TXNRD3: variants seen among roughly 807,000 people sequenced by gnomAD.
The protein encoded by TXNRD3 is thioredoxin reductase 3.
TXNRD3 carries 68 observed loss-of-function variants against 78.2 expected under a neutral mutation model. That is an observed-to-expected ratio of 0.87 (90% CI 0.72 to 1.06). The LOEUF (loss-of-function observed/expected upper bound fraction) is 1.06. TXNRD3 is among the 50% of genes least tolerant of loss of function. The pLI is 0.00. For missense variants in TXNRD3, 751 were observed against 809.5 expected, an observed-to-expected ratio of 0.93 and a Z score of 0.88; for synonymous variants, 296 against 300.1, an observed-to-expected ratio of 0.99 and a Z score of 0.14.
intron 13 of TXNRD3, among the ~76,000 whole-genome samples, chr3:126,612,904 T>G (rs1256726697): frequency 6.6e-6 from 1 of 152,256 alleles, no homozygotes; most frequent in African/African-American, 2.4e-5. Context: ...TATGACCTTA[T>G]CACATACTAA....
At position 126,655,066 on chromosome 3, in the gene TXNRD3, G is replaced by T; in HGVS notation, c.-76C>A. 5 of 1,300,014 alleles carry T rather than the reference G, an allele frequency of 3.8e-6. No individual in the cohort carries two copies. Among genetic ancestry groups the T allele is most frequent in the Non-Finnish European group, 4.9e-6 (5 of 1,025,426 alleles). The allele number at this position is 1,300,014 out of a possible 1,614,324, so 80.5% of individuals were successfully genotyped here. On this transcript the variant is annotated 5_prime_UTR_variant, in exon 1 of 16. Coordinates refer to ENST00000524230, the MANE Select transcript of TXNRD3 (RefSeq NM_052883.3). ...CAGGCGGCTGCGGCGCCGGGACGGG[G>T]CCTGAGGGGCGGCGAACGCTGCCCT...
At chr3:126,625,641 A>G (rs1433862829) in intron 10 of TXNRD3, among the ~76,000 whole-genome samples, 2 of 152,132 alleles carry the variant, frequency 1.3e-5, no homozygotes, top group Admixed American at 1.3e-4. Flanking sequence ...TTATAGCAAC[A>G]TTATTTATAA....
chr3:126,621,161 G>C (rs1384684438), intron 12 of TXNRD3, among the ~76,000 whole-genome samples: 3 of 152,176 alleles, frequency 2.0e-5, no homozygotes, highest in Non-Finnish European at 2.9e-5. Flanking sequence ...CAAATTATTT[G>C]ATTTAAAAAT....
At chr3:126,653,602 G>A (rs1933439520) in intron 1 of TXNRD3, among the ~76,000 whole-genome samples, 1 of 152,252 alleles carries the variant, frequency 6.6e-6, no homozygotes, top group South Asian at 2.1e-4. Context: ...ACTAGGAGCA[G>A]AGTAAATTGG....
At chr3:126,634,085 T>C in intron 6 of TXNRD3, 34 bp from the exon 7 acceptor site, 1 of 1,442,228 alleles carries the variant, frequency 6.9e-7, no homozygotes, top group Non-Finnish European at 9.1e-7. Context: ...AGATGTTAGG[T>C]GAATTTTACC....
chr3:126,647,990 T>TA, intron 1 of TXNRD3, among the ~76,000 whole-genome samples: 1 of 152,250 alleles, frequency 6.6e-6, no homozygotes, highest in East Asian at 1.9e-4. Context: ...GACACACACA[T>TA]ACCAAAACTG....
chr3:126,631,725 T>G, intron 8 of TXNRD3, 39 bp downstream of exon 8: 1 of 1,229,634 alleles, frequency 8.1e-7, no homozygotes, highest in South Asian at 1.3e-5. Context: ...ATAATTCAAT[T>G]TATTAACATT....
chr3:126,638,868 T>TGA (rs1190251645), intron 6 of TXNRD3, among the ~76,000 whole-genome samples: 25 of 152,270 alleles, frequency 1.6e-4, no homozygotes, highest in Admixed American at 7.2e-4. Flanking sequence ...TAACGTCATT[T>TGA]GACCCCATGG....
At chr3:126,650,336 T>C (rs181211620) in intron 1 of TXNRD3, among the ~76,000 whole-genome samples, 2 of 152,300 alleles carry the variant, frequency 1.3e-5, no homozygotes, top group African/African-American at 4.8e-5. Context: ...TCCACACTTA[T>C]TAGCAAGCAT....
chr3:126,643,477 A>G (rs1338912744), intron 5 of TXNRD3, among the ~76,000 whole-genome samples: 1 of 152,192 alleles, frequency 6.6e-6, no homozygotes, highest in Non-Finnish European at 1.5e-5. Flanking sequence ...TAATATAGTC[A>G]ATTATGAAAC....
chr3:126,650,990 C>G (rs1433613244), intron 1 of TXNRD3, among the ~76,000 whole-genome samples: 1 of 152,138 alleles, frequency 6.6e-6, no homozygotes, highest in Non-Finnish European at 1.5e-5. Context: ...GAGGCAAGAC[C>G]AAGGCTTATT....
At chr3:126,615,969 G>C (rs1158569516) in intron 12 of TXNRD3, among the ~76,000 whole-genome samples, 2 of 152,188 alleles carry the variant, frequency 1.3e-5, no homozygotes, top group Non-Finnish European at 2.9e-5. Flanking sequence ...ACCATCAAAG[G>C]GGGATGGTAC....
Position 126,629,432 on chromosome 3 carries a change from C to T in TXNRD3, c.1237G>A (p.Val413Met). ...GTTCCTTCAGTGGATTTAGCCAACA[C>T]TTTCAGCTTTCCAGGTGAACCTTTC... The change falls in exon 10 of 16, where the codon GTG becomes ATG. Residue 413 changes from valine to methionine, a missense_variant. Transcript: ENST00000524230. 2.0e-6 allele frequency: 3 copies of T among 1,535,582 alleles called. No homozygotes were observed. The highest frequency in any genetic ancestry group is 2.6e-6 in the Non-Finnish European group (3 of 1,146,550).
chr3:126,643,843 G>T, intron 5 of TXNRD3, 138 bp downstream of exon 5: 2 of 787,862 alleles, frequency 2.5e-6, no homozygotes, highest in Non-Finnish European at 3.8e-6. Flanking sequence ...TCTGGGCCAG[G>T]CCTAGACTCG....
chr3:126,640,446 T>C (rs1174338938), intron 6 of TXNRD3, among the ~76,000 whole-genome samples: 1 of 151,884 alleles, frequency 6.6e-6, no homozygotes, highest in African/African-American at 2.4e-5. Context: ...GTATTCCATT[T>C]CCCCCCCAGT....
At chr3:126,619,358 A>T (rs1057296514) in intron 12 of TXNRD3, among the ~76,000 whole-genome samples, 5 of 152,212 alleles carry the variant, frequency 3.3e-5, no homozygotes, top group African/African-American at 1.2e-4. Flanking sequence ...ATATAAACAC[A>T]ATTAAATACT....
Position 126,647,290 on chromosome 3 carries a change from C to A in TXNRD3, c.250G>T (p.Glu84Ter), listed in dbSNP as rs1933263301. 1 of 1,534,912 alleles carries A rather than the reference C, an allele frequency of 6.5e-7. No individual in the cohort carries two copies. Among genetic ancestry groups the A allele is most frequent in the Non-Finnish European group, 8.7e-7 (1 of 1,146,540 alleles). ...TCGACTCCCAAAGAAGAAAAGAGTTCTTTCACCTGTAAAAAAAATTTAGCT... is the reference window on the plus strand; with the variant it reads ...TCGACTCCCAAAGAAGAAAAGAGTTATTTCACCTGTAAAAAAAATTTAGCT... Residue 84 changes from glutamate to a stop codon, truncating the protein, a stop_gained, in exon 2 of 16, where the codon GAA becomes TAA. Coordinates refer to ENST00000524230, the MANE Select transcript of TXNRD3 (RefSeq NM_052883.3). LOFTEE classifies it high-confidence loss of function.
chr3:126,629,687 G>T (rs1039559118), intron 9 of TXNRD3, among the ~76,000 whole-genome samples: 1 of 152,144 alleles, frequency 6.6e-6, no homozygotes, highest in Non-Finnish European at 1.5e-5. Context: ...AATTAGTTGA[G>T]ATTGGAGGGA....
chr3:126,653,864 C>A (rs1224499799), intron 1 of TXNRD3, among the ~76,000 whole-genome samples: 1 of 152,138 alleles, frequency 6.6e-6, no homozygotes, highest in Non-Finnish European at 1.5e-5. Flanking sequence ...TAATGAACCC[C>A]AGCTACAGAT....
Sources: gnomAD v4.1 joint callset for allele counts (sites outside exome capture counted in the v4.1 genomes callset) on GRCh38, gnomAD v4.1.1 for gene constraint, MANE v1.5 for transcripts, NCBI Gene and HGNC (gene_info 2026-07-23, HGNC 2026-07-21) for gene names.